Variants in ARHGAP21 observed in about 807,000 individuals in gnomAD.
ARHGAP21 encodes the protein Rho GTPase activating protein 21.
In ARHGAP21, 38 loss-of-function variants were observed where a neutral mutation model predicts 164.6. The ratio of observed to expected loss-of-function variants is 0.23; its 90% CI spans 0.18 to 0.30. ARHGAP21 has a LOEUF of 0.30. ARHGAP21 is among the 10% of genes least tolerant of loss of function. The pLI is 1.00. For missense variants in ARHGAP21, 1,822 were observed against 2,370.7 expected, an observed-to-expected ratio of 0.77 and a Z score of 4.81; for synonymous variants, 766 against 857.9, an observed-to-expected ratio of 0.89 and a Z score of 1.87.
At position 24,595,155 on chromosome 10, in the gene ARHGAP21, C is replaced by G; in HGVS notation, c.3748G>C (p.Glu1250Gln). 6.2e-7 allele frequency: 1 copy of G among 1,611,960 alleles called. No individual in the cohort carries two copies. Among genetic ancestry groups the G allele is most frequent in the Non-Finnish European group, 8.5e-7 (1 of 1,179,278 alleles). The change falls in exon 20 of 26, where the codon GAA (glutamate) becomes CAA (glutamine). Residue 1250 changes from glutamate to glutamine, a missense_variant. This residue lies in a region of ARHGAP21 where 117 missense variants were observed against 238.1 expected (regional missense o/e 0.49). Transcript: ENST00000396432. ...GTTTTCAGACGATCTAGAGGATCTT[C>G]TTTACGATTGGCTTCAATAAAATCA... The part of the protein sequence containing the change: ...YADFIEANRK[E>Q]DPLDRLKTLK...
intron 2 of ARHGAP21, among the ~76,000 whole-genome samples, chr10:24,704,735 C>A (rs1180805587): frequency 1.3e-5 from 2 of 151,966 alleles, no homozygotes; most frequent in South Asian, 2.1e-4. Flanking sequence ...TCCCAAAGTG[C>A]TAGGATTACA....
At chr10:24,685,270 A>T (rs1842108946) in intron 2 of ARHGAP21, among the ~76,000 whole-genome samples, 1 of 152,230 alleles carries the variant, frequency 6.6e-6, no homozygotes, top group African/African-American at 2.4e-5. Flanking sequence ...ACATATTCAA[A>T]AGAGTTTAGT....
At chr10:24,630,091 G>A (rs751126320) in intron 6 of ARHGAP21, 41 bp from the exon 7 acceptor site, 38 of 1,174,840 alleles carry the variant, frequency 3.2e-5, no homozygotes, top group Non-Finnish European at 4.1e-5. Context: ...AGGTAGAAGT[G>A]TATAAAAAAA....
chr10:24,620,739 A>G lies in ARHGAP21; in HGVS notation c.1156T>C (p.Trp386Arg). Residue 386 changes from tryptophan to arginine, a missense_variant, in exon 9 of 26, where the codon TGG becomes CGG. By Grantham distance (101) the Trp-to-Arg change is moderately radical. This residue lies in a region of ARHGAP21 where 1,090 missense variants were observed against 1,378.9 expected (regional missense o/e 0.79). Transcript: ENST00000396432. ...YSPNSHQHID[W>R]KNYKTYKEYI... ...TCTTTGTAAGTTTTATAGTTTTTCC[A>G]GTCTATGTGCTGATGGGAATTTGGC... The G allele has an allele frequency of 6.2e-7, 1 of 1,614,174 alleles. No homozygotes were observed. The highest frequency in any genetic ancestry group is 1.7e-5 in the Admixed American group (1 of 60,022).
At chr10:24,700,159 T>C (rs1843528206) in intron 2 of ARHGAP21, among the ~76,000 whole-genome samples, 1 of 152,188 alleles carries the variant, frequency 6.6e-6, no homozygotes. Flanking sequence ...ACCTGCAAGA[T>C]CCACCTGTGG....
chr10:24,709,311 C>G (rs539171093), intron 2 of ARHGAP21, among the ~76,000 whole-genome samples: 6 of 152,252 alleles, frequency 3.9e-5, no homozygotes, highest in Admixed American at 3.3e-4. Context: ...GATGGATTCA[C>G]AGCCAAATTC....
At chr10:24,595,848 G>T in intron 18 of ARHGAP21, 40 bp downstream of exon 18, 1 of 1,588,024 alleles carries the variant, frequency 6.3e-7, no homozygotes, top group Non-Finnish European at 8.6e-7. Context: ...CCACCAAAGG[G>T]GGAAAAAAAA....
rs1198882937 is a variant in ARHGAP21, at chr10:24,620,671, T to C, written c.1224A>G (p.Ile408Met). The C allele has an allele frequency of 6.2e-7, 1 of 1,614,108 alleles. No homozygotes were observed. Among genetic ancestry groups the C allele is most frequent in the East Asian group, 2.2e-5 (1 of 44,896 alleles). Residue 408 changes from isoleucine to methionine, a missense_variant, in exon 9 of 26, where the codon ATA becomes ATG. Physicochemically the swap from Ile to Met is conservative, Grantham distance 10 (BLOSUM62 1). Transcript: ENST00000396432. ...CTCTTAAACTATCTAATCTTTCTTG[T>C]ATTGTCCGACAACCTATGTGCAATC... is the stretch of plus-strand genomic sequence containing the variant. ...NRRLHIGCRTIQERLDSLRAA... is the reference protein window; with the variant it reads ...NRRLHIGCRTMQERLDSLRAA...
At chr10:24,624,336 A>ATTTTTT (rs1565043586) in intron 7 of ARHGAP21, among the ~76,000 whole-genome samples, 1 of 84,172 alleles carries the variant, frequency 1.2e-5, no homozygotes, top group Non-Finnish European at 2.5e-5. Flanking sequence ...CTGTTCTAGA[A>ATTTTTT]CTTTTTTTTT....
Position 24,583,903 on chromosome 10 carries a change from T to C in ARHGAP21, c.*509A>G, listed in dbSNP as rs1483566995. On this transcript the variant is annotated 3_prime_UTR_variant, in exon 26 of 26. Coordinates refer to ENST00000396432, the MANE Select transcript of ARHGAP21 (RefSeq NM_020824.4). ...TGTATTAAAAGTTTGAATATAAAACTCAGATCCACCTGGAATGACTAAAGA... is the reference window on the plus strand; with the variant it reads ...TGTATTAAAAGTTTGAATATAAAACCCAGATCCACCTGGAATGACTAAAGA... 1.3e-5 allele frequency: 2 copies of C among 152,666 alleles called. No homozygotes were observed. The highest frequency in any genetic ancestry group is 4.8e-5 in the African/African-American group (2 of 41,470). The allele number at this position is 152,666 out of a possible 1,614,324, so 9.5% of individuals were successfully genotyped here.
At chr10:24,666,566 A>G (rs1476564114) in intron 4 of ARHGAP21, among the ~76,000 whole-genome samples, 3 of 152,226 alleles carry the variant, frequency 2.0e-5, no homozygotes, top group African/African-American at 7.2e-5. Context: ...TGTTTAAATC[A>G]ACAGTAACAT....
Position 24,620,411 on chromosome 10 carries a change from G to A in ARHGAP21, c.1484C>T (p.Ser495Leu). 1 of 1,611,864 alleles carries A rather than the reference G, an allele frequency of 6.2e-7. No homozygotes were observed. The highest frequency in any genetic ancestry group is 8.5e-7 in the Non-Finnish European group (1 of 1,178,728). ...ATCCTGTCCCTCAATATAATCCCAT[G>A]AACGAGTTCTATGATTACTAAAACT... ...SVSFSNHRTRSWDYIEGQDET... is the reference protein window; with the variant it reads ...SVSFSNHRTRLWDYIEGQDET... The change falls in exon 9 of 26, where the codon TCA (serine) becomes TTA (leucine). Residue 495 changes from serine to leucine, a missense_variant. Transcript: ENST00000396432.
At chr10:24,610,169 G>C (rs893993204) in intron 9 of ARHGAP21, among the ~76,000 whole-genome samples, 1 of 152,180 alleles carries the variant, frequency 6.6e-6, no homozygotes, top group African/African-American at 2.4e-5. Flanking sequence ...CTGAGGTCAG[G>C]AGTTCGAGAC....
intron 2 of ARHGAP21, among the ~76,000 whole-genome samples, chr10:24,689,888 ATATG>A (rs1381255835): frequency 3.5e-5 from 5 of 143,206 alleles, no homozygotes; most frequent in South Asian, 2.2e-4. Flanking sequence ...GTATATATGT[ATATG>A]TATGTGTATA....
intron 9 of ARHGAP21, among the ~76,000 whole-genome samples, chr10:24,618,325 A>C (rs995610198): frequency 6.6e-6 from 1 of 152,210 alleles, no homozygotes; most frequent in African/African-American, 2.4e-5. Context: ...AAGTGAACCA[A>C]AGATTTTAAA....
At chr10:24,632,754 C>T (rs943884151) in intron 6 of ARHGAP21, among the ~76,000 whole-genome samples, 1 of 152,208 alleles carries the variant, frequency 6.6e-6, no homozygotes, top group Non-Finnish European at 1.5e-5. Context: ...AGGCTCAGAT[C>T]CATGGCCTAG....
intron 4 of ARHGAP21, among the ~76,000 whole-genome samples, chr10:24,650,557 A>C (rs1838054713): frequency 1.3e-5 from 2 of 152,272 alleles, no homozygotes; most frequent in African/African-American, 4.8e-5. Context: ...GTATAAAAGA[A>C]AAATTATTTT....
chr10:24,621,501 C>A, intron 8 of ARHGAP21, 132 bp from the exon 9 acceptor site: 1 of 769,576 alleles, frequency 1.3e-6, no homozygotes, highest in South Asian at 1.9e-5. Flanking sequence ...TGCATGCAAA[C>A]ACAACATAAG....
At chr10:24,662,343 G>A (rs1839786038) in intron 4 of ARHGAP21, among the ~76,000 whole-genome samples, 1 of 152,132 alleles carries the variant, frequency 6.6e-6, no homozygotes, top group South Asian at 2.1e-4. Flanking sequence ...ATTATAAGAT[G>A]GACCTAAGAG....
Sources: gnomAD v4.1 joint callset for allele counts (sites outside exome capture counted in the v4.1 genomes callset) on GRCh38, gnomAD v4.1.1 for gene constraint, gnomAD v4.1.1 regional missense constraint, MANE v1.5 for transcripts, NCBI Gene and HGNC (gene_info 2026-07-23, HGNC 2026-07-21) for gene names.